ASCC3: variants seen among roughly 807,000 people sequenced by gnomAD.
ASCC3 encodes the protein ASC-1 complex subunit P200.
A neutral mutation model predicts 256.3 loss-of-function variants in ASCC3; 158 were observed. The ratio of observed to expected loss-of-function variants is 0.62; its 90% CI spans 0.54 to 0.70. The LOEUF is 0.70. Among genes scored for constraint, ASCC3 ranks in the 30% least tolerant of loss-of-function variants. The probability of loss-of-function intolerance (pLI) is 0.00; values close to 1 mark genes in which losing one functional copy is unlikely to be tolerated. For missense variants in ASCC3, 2,259 were observed against 2,626.0 expected (o/e 0.86, Z 3.05); for synonymous variants, 948 against 883.4 (o/e 1.07, Z -1.30).
intron 13 of ASCC3, 42 bp downstream of exon 13, chr6:100,715,420 A>G (rs772316535): frequency 6.5e-7 from 1 of 1,531,498 alleles, no homozygotes; most frequent in Non-Finnish European, 9.0e-7. Flanking sequence ...GCACTCTCTA[A>G]AAGCAGATAA....
chr6:100,822,999 T>TC, intron 4 of ASCC3, among the ~76,000 whole-genome samples: 1 of 152,090 alleles, frequency 6.6e-6, no homozygotes, highest in Non-Finnish European at 1.5e-5. Context: ...AAGCATAGGA[T>TC]CACCACACAA....
intron 11 of ASCC3, among the ~76,000 whole-genome samples, chr6:100,719,804 T>C (rs1002576714): frequency 6.6e-6 from 1 of 151,986 alleles, no homozygotes; most frequent in Non-Finnish European, 1.5e-5. Flanking sequence ...TTCTATGATG[T>C]TTTCCTTCAC....
intron 13 of ASCC3, among the ~76,000 whole-genome samples, chr6:100,705,897 C>T (rs982609706): frequency 6.6e-6 from 1 of 151,814 alleles, no homozygotes; most frequent in South Asian, 2.1e-4. Flanking sequence ...AATGCGCTAT[C>T]GTTGACCATT....
chr6:100,802,130 G>C (rs1769946441), intron 5 of ASCC3, among the ~76,000 whole-genome samples: 1 of 151,822 alleles, frequency 6.6e-6, no homozygotes, highest in Non-Finnish European at 1.5e-5. Context: ...CTGTAAGGCT[G>C]AGTATAACAG....
chr6:100,542,670 G>A (rs1333439381), intron 36 of ASCC3, among the ~76,000 whole-genome samples: 1 of 151,286 alleles, frequency 6.6e-6, no homozygotes, highest in Admixed American at 6.6e-5. Context: ...GACAGAGCAA[G>A]ACTCCGTCAA....
intron 10 of ASCC3, among the ~76,000 whole-genome samples, chr6:100,741,528 T>C (rs546879737): frequency 1.3e-5 from 2 of 152,334 alleles, no homozygotes; most frequent in African/African-American, 4.8e-5. Flanking sequence ...CAATCAGTCG[T>C]AGGATCAGTT....
At chr6:100,676,166 C>G (rs1393064263) in intron 14 of ASCC3, among the ~76,000 whole-genome samples, 1 of 151,804 alleles carries the variant, frequency 6.6e-6, no homozygotes, top group African/African-American at 2.4e-5. Context: ...TGTTTATTAT[C>G]CTTTTGCCAT....
intron 36 of ASCC3, among the ~76,000 whole-genome samples, chr6:100,543,430 CATAT>C (rs1775562194): frequency 6.6e-6 from 1 of 151,720 alleles, no homozygotes; most frequent in Non-Finnish European, 1.5e-5. Context: ...CACTAATATA[CATAT>C]ATAAATACAT....
intron 4 of ASCC3, among the ~76,000 whole-genome samples, chr6:100,814,591 T>C (rs1770651364): frequency 6.6e-6 from 1 of 152,088 alleles, no homozygotes; most frequent in Admixed American, 6.6e-5. Flanking sequence ...TTTAGTTGTA[T>C]GATATTTATC....
At chr6:100,543,227 G>A (rs1417594741) in intron 36 of ASCC3, among the ~76,000 whole-genome samples, 2 of 123,280 alleles carry the variant, frequency 1.6e-5, no homozygotes, top group African/African-American at 2.7e-5. Flanking sequence ...TTAATACAAC[G>A]TAAATGCTAT....
chr6:100,693,667 CA>C (rs1342288607), intron 13 of ASCC3, among the ~76,000 whole-genome samples: 1 of 152,094 alleles, frequency 6.6e-6, no homozygotes, highest in African/African-American at 2.4e-5. Flanking sequence ...AGTAGATGAC[CA>C]AATTCCATTT....
chr6:100,650,304 G>T (rs1775597008), intron 20 of ASCC3, among the ~76,000 whole-genome samples: 1 of 151,400 alleles, frequency 6.6e-6, no homozygotes, highest in Non-Finnish European at 1.5e-5. Context: ...AACTTTGTAA[G>T]AAACATCAAC....
chr6:100,512,680 T>C (rs370142186), intron 40 of ASCC3, 29 bp downstream of exon 40: 2 of 1,606,474 alleles, frequency 1.2e-6, no homozygotes, highest in African/African-American at 1.3e-5. Context: ...TGGTGTGAAA[T>C]ATTTGAGAAT....
At chr6:100,535,711 C>T (rs145213396) in intron 37 of ASCC3, among the ~76,000 whole-genome samples, 5 of 152,128 alleles carry the variant, frequency 3.3e-5, no homozygotes, top group Non-Finnish European at 7.4e-5. Context: ...TTGTGATCCA[C>T]CTGGCTTGGC....
chr6:100,840,871 C>A (rs1045466706), intron 4 of ASCC3, among the ~76,000 whole-genome samples: 1 of 149,970 alleles, frequency 6.7e-6, no homozygotes, highest in Non-Finnish European at 1.5e-5. Flanking sequence ...ATATATTTTT[C>A]AAAATTAGAA....
At chr6:100,725,516 G>A (rs1419018317) in intron 11 of ASCC3, 23 bp downstream of exon 11, 1 of 1,609,490 alleles carries the variant, frequency 6.2e-7, no homozygotes, top group Non-Finnish European at 8.5e-7. Context: ...TTCAAAATAA[G>A]CTTATACATA....
At chr6:100,763,600 G>A (rs1307772304) in intron 10 of ASCC3, among the ~76,000 whole-genome samples, 13 of 152,108 alleles carry the variant, frequency 8.5e-5, no homozygotes, top group Admixed American at 8.5e-4. Flanking sequence ...AGGGCAAAGG[G>A]TAGACAACAA....
At chr6:100,729,483 C>T (rs1779798049) in intron 10 of ASCC3, among the ~76,000 whole-genome samples, 1 of 152,074 alleles carries the variant, frequency 6.6e-6, no homozygotes, top group African/African-American at 2.4e-5. Flanking sequence ...TAAAACCTTC[C>T]AATTTTAATT....
At chr6:100,816,209 T>C (rs1770737284) in intron 4 of ASCC3, among the ~76,000 whole-genome samples, 1 of 152,102 alleles carries the variant, frequency 6.6e-6, no homozygotes, top group South Asian at 2.1e-4. Flanking sequence ...CACAATGAGA[T>C]ACCATCTCAC....
Sources: gnomAD v4.1 joint callset for allele counts (sites outside exome capture counted in the v4.1 genomes callset) on GRCh38, gnomAD v4.1.1 for gene constraint, MANE v1.5 for transcripts, NCBI Gene and HGNC (gene_info 2026-07-23, HGNC 2026-07-21) for gene names.